Variants in ABCA5 observed in about 807,000 individuals in gnomAD.
The protein encoded by ABCA5 is cholesterol transporter ABCA5.
In ABCA5, 163 loss-of-function variants were observed where a neutral mutation model predicts 206.0. The ratio of observed to expected loss-of-function variants is 0.79; its 90% CI spans 0.70 to 0.90. The LOEUF (loss-of-function observed/expected upper bound fraction) is 0.90. Among genes scored for constraint, ABCA5 ranks in the 40% least tolerant of loss-of-function variants. The pLI, the probability that ABCA5 is intolerant of heterozygous loss-of-function variation, is 0.00. For synonymous variants in ABCA5, 609 were observed against 613.8 expected (o/e 0.99, Z 0.11); for missense variants, 1,859 against 1,912.9 (o/e 0.97, Z 0.53).
chr17:69,313,785 T>C (rs1389397221), intron 2 of ABCA5, among the ~76,000 whole-genome samples: 1 of 152,184 alleles, frequency 6.6e-6, no homozygotes, highest in Non-Finnish European at 1.5e-5. Context: ...TGAGCTATTA[T>C]ATCATCTTGC....
chr17:69,264,916 T>A lies in ABCA5; in HGVS notation c.3145-11A>T, dbSNP rs1470457665. 3 of 1,456,316 alleles carry A rather than the reference T, an allele frequency of 2.1e-6. No individual in the cohort carries two copies. The highest frequency in any genetic ancestry group is 2.9e-5 in the African/African-American group (2 of 69,188). The allele number at this position is 1,456,316 out of a possible 1,614,324, so 90.2% of individuals were successfully genotyped here. A position where few individuals can be genotyped will look rare whatever the true frequency, so the allele number is the denominator to read the frequency against. On this transcript the variant is annotated splice_polypyrimidine_tract_variant and intron_variant, in intron 23 of 38. Coordinates refer to ENST00000392676, the MANE Select transcript of ABCA5 (RefSeq NM_172232.4). ...AGTATAAGCTTTGATCTAAAAAAAA[T>A]GAAAAACAATTTATTATAATTTTAG... is the stretch of plus-strand genomic sequence containing the variant.
chr17:69,325,494 C>T (rs1256435413), intron 1 of ABCA5, among the ~76,000 whole-genome samples: 1 of 152,120 alleles, frequency 6.6e-6, no homozygotes, highest in Non-Finnish European at 1.5e-5. Context: ...AATTTACATA[C>T]TAGAAAAGTT....
At chr17:69,313,033 T>C in intron 3 of ABCA5, 59 bp downstream of exon 3, 2 of 1,167,800 alleles carry the variant, frequency 1.7e-6, no homozygotes, top group South Asian at 2.2e-5. Flanking sequence ...TAAAGCAAGC[T>C]GATAAATATT....
chr17:69,291,279 G>A lies in ABCA5; in HGVS notation c.1543C>T (p.His515Tyr), dbSNP rs772318726. ...YEGQITALLG[H>Y]SGTGKSTLMN... ...AATGTACTCTTTCCTGTTCCACTGT[G>A]GCCAAGTAAGGCAGTAATCTGACCC... Residue 515 changes from histidine to tyrosine, a missense_variant, in exon 12 of 39, where the codon CAC (histidine) becomes TAC (tyrosine). Coordinates refer to ENST00000392676, the MANE Select transcript of ABCA5 (RefSeq NM_172232.4). 6.2e-7 allele frequency: 1 copy of A among 1,611,484 alleles called. No individual in the cohort carries two copies. Among genetic ancestry groups the A allele is most frequent in the Non-Finnish European group, 8.5e-7 (1 of 1,178,516 alleles).
intron 1 of ABCA5, chr17:69,325,551 C>T (rs371549417): frequency 2.0e-5 from 3 of 152,282 alleles, no homozygotes; most frequent in South Asian, 4.1e-4. Context: ...ATCACCCTCT[C>T]AACTAAACTC....
chr17:69,261,011 T>G (rs2075140654), intron 26 of ABCA5, 114 bp downstream of exon 26: 1 of 790,542 alleles, frequency 1.3e-6, no homozygotes, highest in African/African-American at 1.8e-5. Flanking sequence ...CTAAATCAAG[T>G]AGTAGCCATT....
rs1429253435 is a variant in ABCA5, at chr17:69,246,304, C to G, written c.*1233G>C. The G allele has an allele frequency of 1.3e-5, 2 of 151,896 alleles. No individual in the cohort carries two copies. Among genetic ancestry groups the G allele is most frequent in the African/African-American group, 4.8e-5 (2 of 41,430 alleles). The allele number at this position is 151,896 out of a possible 1,614,324, so 9.4% of individuals were successfully genotyped here. A position where few individuals can be genotyped will look rare whatever the true frequency, so the allele number is the denominator to read the frequency against. ...TTGTCTAATACAATAATCACACTCT[C>G]AATATATTTGTTTTATGAAGTTAAT... On this transcript the variant is annotated 3_prime_UTR_variant, in exon 39 of 39. Transcript: ENST00000392676.
chr17:69,250,713 ACCTT>A, intron 35 of ABCA5, 92 bp from the exon 36 acceptor site: 6 of 912,494 alleles, frequency 6.6e-6, no homozygotes, highest in Non-Finnish European at 9.4e-6. Flanking sequence ...AAAAAAATAT[ACCTT>A]TATATTTAGA....
intron 15 of ABCA5, 72 bp from the exon 16 acceptor site, chr17:69,286,383 G>A (rs1188309717): frequency 7.4e-7 from 1 of 1,346,210 alleles, no homozygotes; most frequent in African/African-American, 1.5e-5. Context: ...ACATTTTATG[G>A]TTTCTCATAT....
intron 10 of ABCA5, 56 bp from the exon 11 acceptor site, chr17:69,294,769 T>C (rs772086684): frequency 1.2e-5 from 14 of 1,156,424 alleles, no homozygotes; most frequent in Non-Finnish European, 1.6e-5. Context: ...AGTATGTGTG[T>C]TTATTTACCA....
intron 25 of ABCA5, 64 bp from the exon 26 acceptor site, chr17:69,261,323 C>A: frequency 1.4e-6 from 2 of 1,449,222 alleles, no homozygotes; most frequent in South Asian, 1.4e-5. Context: ...AAATTGGTGT[C>A]TACGCATTAA....
At chr17:69,258,535 A>G (rs1441522601) in intron 28 of ABCA5, among the ~76,000 whole-genome samples, 1 of 152,116 alleles carries the variant, frequency 6.6e-6, no homozygotes, top group African/African-American at 2.4e-5. Context: ...TGGAAACACT[A>G]GGACTGTGGA....
chr17:69,267,378 T>C lies in ABCA5; in HGVS notation c.3144+565A>G, dbSNP rs116843911. ...AACCAAAGACTGTACAAGATCGCTATATGCCTGAAGGAAAACAAAAGGGAA... is the reference window on the plus strand; with the variant it reads ...AACCAAAGACTGTACAAGATCGCTACATGCCTGAAGGAAAACAAAAGGGAA... On this transcript the variant is annotated intron_variant, in intron 23 of 38. Transcript: ENST00000392676. Among the ~76,000 whole-genome samples the C allele has an allele frequency of 5.8e-3, 886 of 152,250 alleles. 5 individuals are homozygous for C. Among genetic ancestry groups the C allele is most frequent in the Admixed American group, 7.7e-3 (118 of 15,292 alleles).
At chr17:69,303,169 G>C (rs1272663558) in intron 7 of ABCA5, among the ~76,000 whole-genome samples, 1 of 152,268 alleles carries the variant, frequency 6.6e-6, no homozygotes, top group Middle Eastern at 3.4e-3. Context: ...CCTAGCTGAA[G>C]TGCAGTGGTG....
Position 69,261,542 on chromosome 17 carries a change from C to T in ABCA5, c.3429+93G>A, listed in dbSNP as rs907383407. On this transcript the variant is annotated intron_variant, in intron 25 of 38. Coordinates refer to ENST00000392676, the MANE Select transcript of ABCA5 (RefSeq NM_172232.4). ...ATTACCTATCTAAATTATTCACTTA[C>T]AAAAGACATGTAACATTTTTAGTAT... 6 of 665,680 alleles carry T rather than the reference C, an allele frequency of 9.0e-6. 1 individual carries two copies. Among genetic ancestry groups the T allele is most frequent in the Non-Finnish European group, 1.5e-5 (6 of 406,616 alleles). The allele number at this position is 665,680 out of a possible 1,614,324, so 41.2% of individuals were successfully genotyped here.
At chr17:69,277,263 A>C (rs1481363098) in intron 19 of ABCA5, among the ~76,000 whole-genome samples, 2 of 152,210 alleles carry the variant, frequency 1.3e-5, no homozygotes, top group African/African-American at 4.8e-5. Flanking sequence ...AAAATAGCGA[A>C]AAAATAGAAA....
intron 28 of ABCA5, among the ~76,000 whole-genome samples, chr17:69,258,695 A>AT (rs560511543): frequency 2.0e-5 from 3 of 151,932 alleles, no homozygotes; most frequent in Non-Finnish European, 4.4e-5. Context: ...AATCTAAAAT[A>AT]TTTTTTTTAA....
intron 10 of ABCA5, among the ~76,000 whole-genome samples, chr17:69,295,431 A>G (rs1598187517): frequency 1.3e-5 from 2 of 152,326 alleles, no homozygotes; most frequent in Admixed American, 6.5e-5. Flanking sequence ...ATGATATGCA[A>G]TTTACTGGAG....
intron 38 of ABCA5, among the ~76,000 whole-genome samples, chr17:69,247,852 A>T (rs2074969429): frequency 6.6e-6 from 1 of 152,100 alleles, no homozygotes; most frequent in Admixed American, 6.5e-5. Flanking sequence ...TATGTTTTTT[A>T]AAAAATAATT....
Sources: gnomAD v4.1 joint callset for allele counts (sites outside exome capture counted in the v4.1 genomes callset) on GRCh38, gnomAD v4.1.1 for gene constraint, MANE v1.5 for transcripts, NCBI Gene and HGNC (gene_info 2026-07-23, HGNC 2026-07-21) for gene names.